SVIL: variants seen among roughly 807,000 people sequenced by gnomAD.
SVIL encodes the protein supervillin.
Under a neutral mutation model 240.4 loss-of-function variants are expected in SVIL, and 101 were observed. The ratio of observed to expected loss-of-function variants is 0.42; its 90% confidence interval spans 0.36 to 0.50. The LOEUF is 0.50. Among genes scored for constraint, SVIL ranks in the 20% least tolerant of loss-of-function variants. The probability of loss-of-function intolerance (pLI) is 0.01; values close to 1 mark genes in which losing one functional copy is unlikely to be tolerated. For synonymous variants in SVIL, 999 were observed against 1,100.0 expected (o/e 0.91, Z 1.82); for missense variants, 2,512 against 2,818.7 (o/e 0.89, Z 2.46).
intron 16 of SVIL, among the ~76,000 whole-genome samples, chr10:29,520,371 C>T (rs1025429493): frequency 2.6e-5 from 4 of 152,166 alleles, no homozygotes; most frequent in Admixed American, 2.0e-4. Context: ...GCCCCATTTT[C>T]GTGGAAGAGA....
At chr10:29,461,572 A>C (rs530867312) in intron 36 of SVIL, among the ~76,000 whole-genome samples, 6 of 151,680 alleles carry the variant, frequency 4.0e-5, no homozygotes, top group Non-Finnish European at 7.3e-5. Flanking sequence ...TAAAAAACCT[A>C]TCTCTCACCA....
intron 1 of SVIL, among the ~76,000 whole-genome samples, chr10:29,714,311 C>A (rs1353282329): frequency 6.6e-6 from 1 of 152,034 alleles, no homozygotes; most frequent in Non-Finnish European, 1.5e-5. Flanking sequence ...ATAGATGAAC[C>A]AATACTTAAA....
At chr10:29,553,889 C>T (rs752697358) in intron 5 of SVIL, among the ~76,000 whole-genome samples, 3 of 152,160 alleles carry the variant, frequency 2.0e-5, no homozygotes, top group African/African-American at 4.8e-5. Flanking sequence ...TTGACTCTAG[C>T]GCTCCCTGCT....
chr10:29,655,325 C>T (rs1000616100), intron 3 of SVIL, among the ~76,000 whole-genome samples: 3 of 152,120 alleles, frequency 2.0e-5, no homozygotes, highest in East Asian at 1.9e-4. Flanking sequence ...CTAGACCCCC[C>T]GGCAAGCCAC....
chr10:29,528,193 T>C (rs566117965), intron 12 of SVIL, among the ~76,000 whole-genome samples: 1 of 152,130 alleles, frequency 6.6e-6, no homozygotes, highest in Non-Finnish European at 1.5e-5. Context: ...TTTCTTTTTT[T>C]AAAAAACAAA....
intron 3 of SVIL, among the ~76,000 whole-genome samples, chr10:29,654,138 G>A (rs1958925901): frequency 6.6e-6 from 1 of 151,998 alleles, no homozygotes; most frequent in Admixed American, 6.6e-5. Context: ...GAAGAGTACT[G>A]TCATTTTTAA....
chr10:29,585,125 C>T (rs1267095488), intron 1 of SVIL, among the ~76,000 whole-genome samples: 2 of 150,994 alleles, frequency 1.3e-5, no homozygotes, highest in Admixed American at 6.6e-5. Flanking sequence ...CTCTGTTGGC[C>T]AGGCTGGAGT....
chr10:29,579,176 G>A (rs181028703), intron 1 of SVIL, among the ~76,000 whole-genome samples: 5 of 152,294 alleles, frequency 3.3e-5, no homozygotes, highest in Admixed American at 3.3e-4. Context: ...AGTGGCTCAC[G>A]CCTGTAATCC....
chr10:29,628,624 C>T lies in SVIL; in HGVS notation c.-201+5796G>A, dbSNP rs117121052. Among the ~76,000 whole-genome samples, 27 of 152,264 alleles carry T rather than the reference C, an allele frequency of 1.8e-4. 1 individual carries two copies. The East Asian group carries it at 5.0e-3, about 28-fold the overall frequency. The stretch of plus-strand genomic sequence containing the variant: ...AAGCCCTTTGGGTCTTCGCCCAGAA[C>T]CGAATTGTTCTTTTCTATTGATAGC... On this transcript the variant is annotated intron_variant, in intron 1 of 37. Transcript: ENST00000355867.
intron 1 of SVIL, among the ~76,000 whole-genome samples, chr10:29,720,884 G>C (rs920041640): frequency 1.6e-4 from 24 of 152,132 alleles, no homozygotes; most frequent in South Asian, 6.2e-4. Flanking sequence ...GTCTTGCTCT[G>C]TGCCCAGGCT....
chr10:29,620,743 T>C (rs572885352), intron 1 of SVIL, among the ~76,000 whole-genome samples: 53 of 152,180 alleles, frequency 3.5e-4, no homozygotes, highest in African/African-American at 1.2e-3. Context: ...CTCAGCCTCC[T>C]GAGTAGCTGG....
intron 29 of SVIL, among the ~76,000 whole-genome samples, chr10:29,478,924 CAAAAAAA>C (rs71020791): frequency 0.13 from 7,960 of 62,988 alleles, 273 homozygotes; most frequent in Admixed American, 0.19. Flanking sequence ...AACCCTGTCT[CAAAAAAA>C]AAAAAAAAAA....
intron 1 of SVIL, among the ~76,000 whole-genome samples, chr10:29,718,407 C>T (rs1020509282): frequency 3.9e-5 from 6 of 152,094 alleles, no homozygotes; most frequent in Admixed American, 2.6e-4. Flanking sequence ...ATGTGGTTTA[C>T]ATTACATATC....
Position 29,512,839 on chromosome 10 carries a change from C to A in SVIL, c.3412G>T (p.Gly1138Trp). 6 of 1,611,358 alleles carry A rather than the reference C, an allele frequency of 3.7e-6. No homozygotes were observed. Among genetic ancestry groups the A allele is most frequent in the Non-Finnish European group, 5.1e-6 (6 of 1,179,996 alleles). ...AGTCTGTTTCTCCAATCTTCCTCCCCGCTTTTCTTCAACAGTGCCAATCTA... is the reference window on the plus strand; with the variant it reads ...AGTCTGTTTCTCCAATCTTCCTCCCAGCTTTTCTTCAACAGTGCCAATCTA... ...KERLALLKKS[G>W]EEDWRNRLSR... The change falls in exon 17 of 38, where the codon GGG (glycine) becomes TGG (tryptophan). Residue 1138 changes from glycine (G) to tryptophan (W), a missense_variant. Physicochemically the swap from Gly to Trp is radical, Grantham distance 184. This residue lies in a region of SVIL where 1,443 missense variants were observed against 1,486.6 expected (regional missense o/e 0.97). Transcript: ENST00000355867.
chr10:29,489,887 A>T (rs548446618), intron 22 of SVIL, among the ~76,000 whole-genome samples: 84 of 152,340 alleles, frequency 5.5e-4, no homozygotes, highest in African/African-American at 1.9e-3. Flanking sequence ...TAACAAAAAG[A>T]CTCAACCACT....
At chr10:29,700,396 A>C (rs917351888) in intron 1 of SVIL, among the ~76,000 whole-genome samples, 7 of 151,634 alleles carry the variant, frequency 4.6e-5, no homozygotes, top group African/African-American at 1.7e-4. Flanking sequence ...CACACAGGAA[A>C]AATTTTGGGC....
chr10:29,549,167 CA>C (rs551015818), intron 6 of SVIL, among the ~76,000 whole-genome samples: 1,343 of 105,970 alleles, frequency 0.013, 26 homozygotes, highest in African/African-American at 0.048. Context: ...AACAAATTTA[CA>C]AAAAAAAAAA....
At chr10:29,683,540 T>C (rs1960823883) in intron 2 of SVIL, among the ~76,000 whole-genome samples, 1 of 152,226 alleles carries the variant, frequency 6.6e-6, no homozygotes, top group Non-Finnish European at 1.5e-5. Flanking sequence ...AATTTTGGAA[T>C]GGCCTTGGCC....
At chr10:29,693,932 G>GATAATAT (rs1251722583) in intron 1 of SVIL, among the ~76,000 whole-genome samples, 1 of 150,512 alleles carries the variant, frequency 6.6e-6, no homozygotes, top group Non-Finnish European at 1.5e-5. Flanking sequence ...TAGATAGATA[G>GATAATAT]ATACATATAT....
Sources: allele counts gnomAD v4.1 joint callset (sites outside exome capture counted in the v4.1 genomes callset), GRCh38; gene constraint gnomAD v4.1.1; regional missense constraint gnomAD v4.1.1; transcripts MANE v1.5; gene names NCBI Gene and HGNC (gene_info 2026-07-23, HGNC 2026-07-21).